The following RIPOR2 variants were observed in gnomAD, a reference collection of about 807,000 sequenced individuals.
RIPOR2 encodes rho family-interacting cell polarization regulator 2.
RIPOR2 carries 39 observed loss-of-function variants against 114.5 expected under a neutral mutation model. That is an observed-to-expected ratio of 0.34 (90% CI 0.26 to 0.44). RIPOR2 has a LOEUF of 0.44. Ranked by LOEUF, RIPOR2 falls within the 20% of genes least tolerant of loss-of-function variation. RIPOR2 has a pLI of 1.00. For synonymous variants in RIPOR2, 445 were observed against 484.4 expected (o/e 0.92, Z 1.07); for missense variants, 1,007 against 1,255.1 (o/e 0.80, Z 2.99).
chr6:24,988,788 C>A (rs945168196), intron 1 of RIPOR2, among the ~76,000 whole-genome samples: 3 of 152,130 alleles, frequency 2.0e-5, no homozygotes, highest in African/African-American at 7.2e-5. Context: ...GGTTAGCCTG[C>A]TTCTTCCTTT....
At chr6:24,810,284 C>G (rs928657945) in intron 20 of RIPOR2, among the ~76,000 whole-genome samples, 1 of 152,282 alleles carries the variant, frequency 6.6e-6, no homozygotes, top group African/African-American at 2.4e-5. Context: ...TTCTGATGAT[C>G]AGCTAAATTC....
At chr6:24,997,001 G>A (rs760144460) in intron 1 of RIPOR2, among the ~76,000 whole-genome samples, 9 of 152,182 alleles carry the variant, frequency 5.9e-5, no homozygotes, top group African/African-American at 9.6e-5. Flanking sequence ...TCATACATAC[G>A]CTGAAGCGGC....
chr6:24,831,301 A>G (rs1413849492), intron 16 of RIPOR2, among the ~76,000 whole-genome samples: 1 of 152,200 alleles, frequency 6.6e-6, no homozygotes, highest in African/African-American at 2.4e-5. Context: ...GTGATTTCCT[A>G]TAACTCCACA....
chr6:24,875,092 A>G (rs1477129597), intron 2 of RIPOR2, among the ~76,000 whole-genome samples: 2 of 152,228 alleles, frequency 1.3e-5, no homozygotes, highest in African/African-American at 4.8e-5. Context: ...ACTCTCTGCC[A>G]TCACCGTGTG....
Position 24,875,744 on chromosome 6 carries a change from G to C in RIPOR2, c.135C>G (p.Ile45Met). ...AACCCGCAAAGGACTGGCTTCTAAT[G>C]ATCCCATTGGGCCCTCCAGGCGAAA... ...QSFSPGGPNG[I>M]IRSQSFAGFS... Residue 45 changes from isoleucine to methionine, a missense_variant, in exon 2 of 22, where the codon ATC (isoleucine) becomes ATG (methionine). By Grantham distance (10) the Ile-to-Met change is conservative. Transcript: ENST00000643898. 1 of 1,613,634 alleles carries C rather than the reference G, an allele frequency of 6.2e-7. No individual in the cohort carries two copies. The highest frequency in any genetic ancestry group is 8.5e-7 in the Non-Finnish European group (1 of 1,179,736).
Position 25,037,945 on chromosome 6 carries a change from G to A in RIPOR2, c.76+3906C>T, listed in dbSNP as rs1005534542. Among the ~76,000 whole-genome samples, 7 of 152,152 alleles carry A rather than the reference G, an allele frequency of 4.6e-5. No individual in the cohort carries two copies. The highest frequency in any genetic ancestry group is 1.9e-4 in the East Asian group (1 of 5,192). On this transcript the variant is annotated intron_variant, in intron 1 of 13. Coordinates refer to the RIPOR2 transcript ENST00000510784. The surrounding 1 kb of genome is among the most constrained non-coding windows in gnomAD (Gnocchi z 4.5). ...TGGGGATCATTGTTAATTTTATTAC[G>A]CAGTTATGTAGAAAAATGTACTTAT...
In RIPOR2 at chr6:24,974,271, A is replaced by G. The variant is rs149945055; in HGVS notation, c.76+67580T>C. On this transcript the variant is annotated intron_variant, in intron 1 of 13. Transcript: ENST00000510784. ...TGCGGTGGTGAGCACCTGTGGTCCT[A>G]GTTATTGAGGATCACTTGAGCCCAG... Among the ~76,000 whole-genome samples the G allele has an allele frequency of 4.3e-4, 66 of 152,216 alleles. 1 individual carries two copies. In the South Asian group the frequency reaches 8.3e-3, roughly 19 times the overall value.
chr6:24,806,351 C>T lies in RIPOR2; in HGVS notation c.*22G>A, dbSNP rs1185335280. On this transcript the variant is annotated 3_prime_UTR_variant, in exon 22 of 22. Coordinates refer to ENST00000643898, the MANE Select transcript of RIPOR2 (RefSeq NM_001286445.3). ...TGAAAAGGGCCAGATATTAAGACAGCTGTTAGGCAGTTAACCTGTAATTAA... is the reference window on the plus strand; with the variant it reads ...TGAAAAGGGCCAGATATTAAGACAGTTGTTAGGCAGTTAACCTGTAATTAA... 2.0e-6 allele frequency: 3 copies of T among 1,467,232 alleles called. No individual in the cohort carries two copies. Among genetic ancestry groups the T allele is most frequent in the Non-Finnish European group, 2.8e-6 (3 of 1,069,880 alleles). 90.9% of individuals were successfully genotyped at this position (1,467,232 alleles called of 1,614,324 possible).
intron 1 of RIPOR2, among the ~76,000 whole-genome samples, chr6:24,993,395 T>C (rs1028214462): frequency 6.6e-6 from 1 of 152,256 alleles, no homozygotes; most frequent in Non-Finnish European, 1.5e-5. Flanking sequence ...GAAATTAGGG[T>C]TGCAATCCAT....
At chr6:24,875,489 A>G (rs954815595) in intron 2 of RIPOR2, among the ~76,000 whole-genome samples, 6 of 152,248 alleles carry the variant, frequency 3.9e-5, no homozygotes, top group African/African-American at 1.4e-4. Context: ...CTCAGCCATC[A>G]TCCTTGCAGG....
chr6:24,995,846 A>G (rs1581927051), intron 1 of RIPOR2, among the ~76,000 whole-genome samples: 1 of 133,630 alleles, frequency 7.5e-6, no homozygotes, highest in African/African-American at 2.9e-5. Flanking sequence ...CTGTCGCCCC[A>G]GGCTGGAGTG....
chr6:24,830,122 C>T (rs1232972928), intron 17 of RIPOR2, among the ~76,000 whole-genome samples: 7 of 152,216 alleles, frequency 4.6e-5, no homozygotes, highest in East Asian at 1.9e-4. Context: ...TGGGCTACCA[C>T]GCCCGGCTAA....
chr6:24,915,122 T>C (rs1441542565), intron 1 of RIPOR2, among the ~76,000 whole-genome samples: 1 of 152,226 alleles, frequency 6.6e-6, no homozygotes, highest in Non-Finnish European at 1.5e-5. Flanking sequence ...ACTGTGATGC[T>C]TCTTATCCAT....
intron 4 of RIPOR2, 136 bp downstream of exon 4, chr6:24,872,745 A>G: frequency 1.7e-6 from 1 of 579,054 alleles, no homozygotes; most frequent in Non-Finnish European, 3.1e-6. Context: ...CTTCTAAGAC[A>G]TACTGGGGGA....
chr6:24,844,473 CTTT>C (rs1473218248), intron 12 of RIPOR2, among the ~76,000 whole-genome samples: 2 of 143,500 alleles, frequency 1.4e-5, no homozygotes, highest in Non-Finnish European at 1.5e-5. Flanking sequence ...GTTAATTTTT[CTTT>C]TTTTTTTTTT....
At chr6:24,988,438 T>C (rs1419912873) in intron 1 of RIPOR2, among the ~76,000 whole-genome samples, 1 of 152,198 alleles carries the variant, frequency 6.6e-6, no homozygotes, top group Non-Finnish European at 1.5e-5. Context: ...CCTCCCAAAG[T>C]GCTGGGATTA....
intron 1 of RIPOR2, among the ~76,000 whole-genome samples, chr6:24,935,588 T>G (rs1267768920): frequency 2.6e-5 from 4 of 152,214 alleles, no homozygotes; most frequent in Admixed American, 1.3e-4. Flanking sequence ...CAGCCTAAAC[T>G]AAACCTTTAT....
intron 18 of RIPOR2, among the ~76,000 whole-genome samples, chr6:24,826,749 A>G (rs1431800307): frequency 1.3e-5 from 2 of 152,216 alleles, no homozygotes; most frequent in Admixed American, 1.3e-4. Context: ...ATAAGATAGA[A>G]CATAATATCA....
chr6:24,838,925 C>A (rs545693965), intron 14 of RIPOR2, among the ~76,000 whole-genome samples, 166 bp downstream of exon 14: 1 of 152,218 alleles, frequency 6.6e-6, no homozygotes, highest in African/African-American at 2.4e-5. Flanking sequence ...AATATTGACC[C>A]TTTTATTGCA....
Sources: gnomAD v4.1 joint callset for allele counts (sites outside exome capture counted in the v4.1 genomes callset) on GRCh38, gnomAD v4.1.1 for gene constraint, Gnocchi (gnomAD v3.1) non-coding constraint, MANE v1.5 for transcripts, NCBI Gene and HGNC (gene_info 2026-07-23, HGNC 2026-07-21) for gene names.